Variants in SUMF1 observed in about 807,000 individuals in gnomAD.
SUMF1 encodes sulfatase modifying factor 1.
SUMF1 carries 48 observed loss-of-function variants against 47.6 expected under a neutral mutation model. The ratio of observed to expected loss-of-function variants is 1.01; its 90% CI spans 0.80 to 1.28. The LOEUF (loss-of-function observed/expected upper bound fraction) is 1.28, where lower values mean the gene tolerates loss of function less well. Among genes scored for constraint, SUMF1 ranks in the 50% most tolerant of loss-of-function variants. The pLI, the probability that SUMF1 is intolerant of heterozygous loss-of-function variation, is 0.00. For synonymous variants in SUMF1, 230 were observed against 192.1 expected, an observed-to-expected ratio of 1.20 and a Z score of -1.63; for missense variants, 571 against 485.4, an observed-to-expected ratio of 1.18 and a Z score of -1.66.
chr3:4,186,552 G>T (rs994777903), intron 8 of SUMF1, among the ~76,000 whole-genome samples: 1 of 151,998 alleles, frequency 6.6e-6, no homozygotes, highest in Non-Finnish European at 1.5e-5. Context: ...AGAGTAAGTG[G>T]AAGCTGAAAT....
intron 8 of SUMF1, among the ~76,000 whole-genome samples, chr3:4,094,043 A>C (rs554452368): frequency 6.6e-6 from 1 of 152,258 alleles, no homozygotes; most frequent in East Asian, 1.9e-4. Context: ...TATGAATCCA[A>C]GACATACCTA....
intron 8 of SUMF1, among the ~76,000 whole-genome samples, chr3:4,069,898 CTT>C (rs957732282): frequency 1.3e-5 from 2 of 152,148 alleles, no homozygotes; most frequent in African/African-American, 4.8e-5. Flanking sequence ...CCCCTTTCCC[CTT>C]TGTTTTCCTT....
Position 4,113,725 on chromosome 3 carries a change from C to G in SUMF1, c.1015-44980G>C, listed in dbSNP as rs1027513747. Among the ~76,000 whole-genome samples the G allele has an allele frequency of 2.0e-5, 3 of 151,996 alleles. No homozygotes were observed. The East Asian group carries it at 5.8e-4, about 29-fold the overall frequency. ...TCTTAACAACAGGAAAAAACTCAGT[C>G]TCTCTTCATGTGGCACAATTACGAT... On this transcript the variant is annotated intron_variant and NMD_transcript_variant, in intron 8 of 12. Transcript: ENST00000448413.
At chr3:4,096,721 G>C (rs1365400304) in intron 8 of SUMF1, among the ~76,000 whole-genome samples, 1 of 152,082 alleles carries the variant, frequency 6.6e-6, no homozygotes, top group African/African-American at 2.4e-5. Flanking sequence ...GAAAAACTCT[G>C]GTGGTATCTT....
intron 8 of SUMF1, among the ~76,000 whole-genome samples, chr3:4,362,682 G>A (rs570598128): frequency 6.6e-6 from 1 of 152,276 alleles, no homozygotes; most frequent in East Asian, 1.9e-4. Flanking sequence ...AACATTTTGG[G>A]AGGCTGAAAT....
intron 8 of SUMF1, among the ~76,000 whole-genome samples, chr3:4,083,737 A>C (rs906834258): frequency 2.0e-5 from 3 of 152,052 alleles, no homozygotes; most frequent in Non-Finnish European, 2.9e-5. Context: ...CATCATGCCT[A>C]TCCTCAGAGA....
chr3:4,317,067 G>A lies in SUMF1; in HGVS notation c.1014+59263C>T, dbSNP rs980707405. 29 of 1,549,072 alleles carry A rather than the reference G, an allele frequency of 1.9e-5. No homozygotes were observed. The Admixed American group carries it at 2.7e-4, about 15-fold the overall frequency. ...TGACCTCTTGCCAACCAACTACCAC[G>A]TCTTTAAGCATCTCAACAACTTTTT... On this transcript the variant is annotated intron_variant and NMD_transcript_variant, in intron 8 of 12. Coordinates refer to the SUMF1 transcript ENST00000448413.
intron 8 of SUMF1, among the ~76,000 whole-genome samples, chr3:4,198,665 C>T (rs1385526707): frequency 6.6e-6 from 1 of 152,068 alleles, no homozygotes; most frequent in Non-Finnish European, 1.5e-5. Flanking sequence ...CTTTGCCTTT[C>T]TTCTGGTGTG....
chr3:4,362,269 A>G lies in SUMF1; in HGVS notation c.1015-15T>C, dbSNP rs1471662245. 1 of 1,610,548 alleles carries G rather than the reference A, an allele frequency of 6.2e-7. No homozygotes were observed. The highest frequency in any genetic ancestry group is 1.3e-5 in the African/African-American group (1 of 74,986). On this transcript the variant is annotated splice_polypyrimidine_tract_variant and intron_variant, in intron 8 of 8. Coordinates refer to ENST00000272902, the MANE Select transcript of SUMF1 (RefSeq NM_182760.4). ...TAACAATAAGACTGTGTAGAGAGAA[A>G]GAGCAAGGTAAGTGCTACTGGGACT...
chr3:4,400,453 G>A (rs769448310), intron 7 of SUMF1, among the ~76,000 whole-genome samples: 5 of 152,184 alleles, frequency 3.3e-5, no homozygotes, highest in African/African-American at 9.6e-5. Flanking sequence ...CAAGGACTGC[G>A]TGATGTTTAT....
Position 4,219,809 on chromosome 3 carries a change from G to A in SUMF1, c.1015-151064C>T, listed in dbSNP as rs73020670. 3.1e-3 allele frequency among the ~76,000 whole-genome samples: 468 copies of A among 152,228 alleles called. 1 individual carries two copies. The highest frequency in any genetic ancestry group is 5.5e-3 in the Non-Finnish European group (373 of 68,012). On this transcript the variant is annotated intron_variant and NMD_transcript_variant, in intron 8 of 12. Coordinates refer to the SUMF1 transcript ENST00000448413. ...CAGAATCTTTTGGGGGTGTGTTTAGGAATTTGCATTTTTAACAAGCTCTCC... is the reference window on the plus strand; with the variant it reads ...CAGAATCTTTTGGGGGTGTGTTTAGAAATTTGCATTTTTAACAAGCTCTCC...
chr3:4,324,823 C>G (rs185529921), intron 8 of SUMF1, among the ~76,000 whole-genome samples: 163 of 152,200 alleles, frequency 1.1e-3, no homozygotes, highest in South Asian at 2.3e-3. Flanking sequence ...TTTGGGGGCC[C>G]TGCAATTCTA....
chr3:4,418,630 G>A (rs1003046972), intron 4 of SUMF1, among the ~76,000 whole-genome samples: 1 of 152,200 alleles, frequency 6.6e-6, no homozygotes, highest in Non-Finnish European at 1.5e-5. Flanking sequence ...CCTGCATTGT[G>A]GCTTTGACTT....
intron 8 of SUMF1, among the ~76,000 whole-genome samples, chr3:4,365,843 A>C (rs1699934255): frequency 6.6e-6 from 1 of 152,106 alleles, no homozygotes; most frequent in East Asian, 1.9e-4. Flanking sequence ...ATGATTTTGC[A>C]GTGGCTGGTA....
intron 7 of SUMF1, among the ~76,000 whole-genome samples, chr3:4,382,337 C>G (rs893828293): frequency 4.0e-5 from 3 of 74,908 alleles, no homozygotes; most frequent in Admixed American, 1.2e-4. Context: ...CACATACATG[C>G]ACACACACAC....
rs552979566 is a variant in SUMF1, at chr3:4,411,108, A to G, written c.841-130T>C. The G allele has an allele frequency of 2.5e-5, 21 of 838,374 alleles. No individual in the cohort carries two copies. In the South Asian group the frequency reaches 2.8e-4, roughly 11 times the overall value. The allele number at this position is 838,374 out of a possible 1,614,324, so 51.9% of individuals were successfully genotyped here. A position where few individuals can be genotyped will look rare whatever the true frequency, so the allele number is the denominator to read the frequency against. ...TGGGTTTTATTCCAACAGTCAAAGT[A>G]CAATTTGACCAACATAAAGACAAAG... On this transcript the variant is annotated intron_variant, in intron 6 of 8. Coordinates refer to ENST00000272902, the MANE Select transcript of SUMF1 (RefSeq NM_182760.4).
chr3:4,462,770 G>C (rs1425005161), intron 1 of SUMF1, among the ~76,000 whole-genome samples: 1 of 152,166 alleles, frequency 6.6e-6, no homozygotes, highest in African/African-American at 2.4e-5. Context: ...CTCTGGATCT[G>C]TCCACAAACT....
intron 8 of SUMF1, among the ~76,000 whole-genome samples, chr3:4,363,957 C>T (rs867329742): frequency 0.021 from 2,972 of 144,506 alleles, 125 homozygotes; most frequent in African/African-American, 0.073. Context: ...GTGTCAAAGG[C>T]CTTTTCTGCA....
At chr3:4,110,773 C>T (rs1329083823) in intron 8 of SUMF1, among the ~76,000 whole-genome samples, 3 of 141,134 alleles carry the variant, frequency 2.1e-5, no homozygotes, top group African/African-American at 8.0e-5. Flanking sequence ...TGTTCTCACT[C>T]ATAGGTGGGA....
Sources: gnomAD v4.1 joint callset for allele counts (sites outside exome capture counted in the v4.1 genomes callset) on GRCh38, gnomAD v4.1.1 for gene constraint, MANE v1.5 for transcripts, NCBI Gene and HGNC (gene_info 2026-07-23, HGNC 2026-07-21) for gene names.